Variants in FGF12 observed in about 807,000 individuals in gnomAD.
The protein encoded by FGF12 is fibroblast growth factor 12.
A neutral mutation model predicts 23.6 loss-of-function variants in FGF12; 14 were observed. The ratio of observed to expected loss-of-function variants is 0.59; its 90% confidence interval spans 0.39 to 0.93. The LOEUF is 0.93. Among genes scored for constraint, FGF12 ranks in the 40% least tolerant of loss-of-function variants. The probability of loss-of-function intolerance (pLI) is 0.00; values close to 1 mark genes in which losing one functional copy is unlikely to be tolerated. For missense variants in FGF12, 175 were observed against 217.8 expected (o/e 0.80, Z 1.24); for synonymous variants, 62 against 77.3 (o/e 0.80, Z 1.04).
intron 2 of FGF12, among the ~76,000 whole-genome samples, chr3:192,573,837 AT>A (rs1712759989): frequency 6.6e-6 from 1 of 152,222 alleles, no homozygotes; most frequent in African/African-American, 2.4e-5. Flanking sequence ...TGTCAGCAAC[AT>A]TTAATTGCCA....
chr3:192,592,384 AT>A, intron 2 of FGF12, among the ~76,000 whole-genome samples: 1 of 152,018 alleles, frequency 6.6e-6, no homozygotes, highest in East Asian at 1.9e-4. Context: ...TGCCACCAGC[AT>A]CTCTGGCCCT....
chr3:192,694,909 A>C (rs563271112), intron 2 of FGF12, among the ~76,000 whole-genome samples: 41 of 152,224 alleles, frequency 2.7e-4, no homozygotes, highest in Non-Finnish European at 5.3e-4. Flanking sequence ...GTCAAAGGGT[A>C]AAGAGTTGCA....
intron 2 of FGF12, among the ~76,000 whole-genome samples, chr3:192,372,092 C>A (rs1466112119): frequency 6.6e-6 from 1 of 152,132 alleles, no homozygotes; most frequent in Non-Finnish European, 1.5e-5. Context: ...ATAAAAGCAT[C>A]CTCATTTGGC....
chr3:192,637,739 A>AAT (rs1477856064), intron 2 of FGF12, among the ~76,000 whole-genome samples: 1 of 152,208 alleles, frequency 6.6e-6, no homozygotes, highest in African/African-American at 2.4e-5. Flanking sequence ...AAAAGGAAAC[A>AAT]ATATATATAA....
chr3:192,371,377 C>T (rs1215878453), intron 2 of FGF12, among the ~76,000 whole-genome samples: 1 of 152,170 alleles, frequency 6.6e-6, no homozygotes, highest in Non-Finnish European at 1.5e-5. Context: ...GATCTTATCC[C>T]AAACGAGCTG....
chr3:192,408,448 C>T lies in FGF12; in HGVS notation c.14-47910G>A. 1 of 1,376,048 alleles carries T rather than the reference C, an allele frequency of 7.3e-7. No homozygotes were observed. The highest frequency in any genetic ancestry group is 9.3e-7 in the Non-Finnish European group (1 of 1,070,576). The allele number at this position is 1,376,048 out of a possible 1,614,324, so 85.2% of individuals were successfully genotyped here. A position where few individuals can be genotyped will look rare whatever the true frequency, so the allele number is the denominator to read the frequency against. ...AAAATCCAGATGTAAACTTCCCCAA[C>T]CTCTGGCGGCCGGGGGGCGGGGCGG... On this transcript the variant is annotated intron_variant, in intron 2 of 5. Coordinates refer to ENST00000445105, the MANE Select transcript of FGF12 (RefSeq NM_004113.6). The surrounding 1 kb of genome is among the most constrained non-coding windows in gnomAD (Gnocchi z 7.3).
chr3:192,563,277 A>C (rs1188167784), intron 2 of FGF12, among the ~76,000 whole-genome samples: 1 of 152,234 alleles, frequency 6.6e-6, no homozygotes, highest in African/African-American at 2.4e-5. Context: ...CATTTGATGA[A>C]TGGCTAGACA....
At chr3:192,368,983 G>A (rs1719107320) in intron 2 of FGF12, among the ~76,000 whole-genome samples, 1 of 152,104 alleles carries the variant, frequency 6.6e-6, no homozygotes, top group Admixed American at 6.6e-5. Context: ...GGTCTTCCCT[G>A]ACACCCTGAG....
At chr3:192,475,284 T>C (rs1407809752) in intron 2 of FGF12, among the ~76,000 whole-genome samples, 1 of 152,208 alleles carries the variant, frequency 6.6e-6, no homozygotes, top group Admixed American at 6.5e-5. Flanking sequence ...TCTAAATTAG[T>C]AAGGATTAAG....
chr3:192,345,988 G>A (rs1279639427), intron 3 of FGF12, among the ~76,000 whole-genome samples: 1 of 151,670 alleles, frequency 6.6e-6, no homozygotes, highest in African/African-American at 2.4e-5. Flanking sequence ...AAAATATTAA[G>A]TGGATCTATA....
chr3:192,405,663 G>GT (rs60283549), intron 2 of FGF12, among the ~76,000 whole-genome samples: 38,193 of 145,302 alleles, frequency 0.26, 5,942 homozygotes, highest in Non-Finnish European at 0.35. Flanking sequence ...GATTCGAATA[G>GT]TTTTTCTTTT....
chr3:192,253,706 CG>C (rs534434037), intron 4 of FGF12, among the ~76,000 whole-genome samples: 42 of 151,988 alleles, frequency 2.8e-4, no homozygotes, highest in African/African-American at 9.6e-4. Context: ...CAGAGAAAGT[CG>C]GATGTTTTCC....
chr3:192,682,572 TATC>T (rs1269637306), intron 2 of FGF12, among the ~76,000 whole-genome samples: 1 of 152,200 alleles, frequency 6.6e-6, no homozygotes, highest in East Asian at 1.9e-4. Context: ...TAATATGAAA[TATC>T]ATCCTCTGAG....
intron 2 of FGF12, among the ~76,000 whole-genome samples, chr3:192,625,465 T>C (rs1364126652): frequency 6.6e-6 from 1 of 152,140 alleles, no homozygotes; most frequent in Admixed American, 6.5e-5. Context: ...CTTGAATGTT[T>C]TCTGTTTTGA....
intron 2 of FGF12, among the ~76,000 whole-genome samples, chr3:192,400,371 T>TTTG (rs1317444406): frequency 1.4e-5 from 2 of 146,286 alleles, no homozygotes; most frequent in African/African-American, 5.0e-5. Context: ...ATTCTTTTCT[T>TTTG]TTTTTTTTTT....
chr3:192,588,360 A>AAAAAAAAG (rs1182715524), intron 2 of FGF12, among the ~76,000 whole-genome samples: 116 of 142,688 alleles, frequency 8.1e-4, no homozygotes, highest in East Asian at 1.0e-3. Flanking sequence ...AAAAAAAAAA[A>AAAAAAAAG]AAAAAAAGAA....
chr3:192,555,200 C>T (rs1214820393), intron 2 of FGF12, among the ~76,000 whole-genome samples: 5 of 152,060 alleles, frequency 3.3e-5, no homozygotes, highest in East Asian at 1.9e-4. Flanking sequence ...GACTTCAACT[C>T]GTATAAAACT....
At chr3:192,155,486 G>A (rs1714359456) in intron 5 of FGF12, among the ~76,000 whole-genome samples, 1 of 152,156 alleles carries the variant, frequency 6.6e-6, no homozygotes, top group Admixed American at 6.5e-5. Flanking sequence ...CAATTGAAAG[G>A]TGAGGTTCAT....
chr3:192,669,666 A>C (rs1185516380), intron 2 of FGF12, among the ~76,000 whole-genome samples: 2 of 150,868 alleles, frequency 1.3e-5, no homozygotes, highest in Non-Finnish European at 3.0e-5. Flanking sequence ...GGATGTCCCC[A>C]GAAATTCTAC....
Sources: gnomAD v4.1 joint callset for allele counts (sites outside exome capture counted in the v4.1 genomes callset) on GRCh38, gnomAD v4.1.1 for gene constraint, Gnocchi (gnomAD v3.1) non-coding constraint, MANE v1.5 for transcripts, NCBI Gene and HGNC (gene_info 2026-07-23, HGNC 2026-07-21) for gene names.